The following LEMD2 variants were observed in gnomAD, a reference collection of about 807,000 sequenced individuals.
LEMD2 encodes LEM domain-containing protein 2.
Under a neutral mutation model 58.8 loss-of-function variants are expected in LEMD2, and 34 were observed. That is an observed-to-expected ratio of 0.58 (90% confidence interval 0.44 to 0.77). The LOEUF (loss-of-function observed/expected upper bound fraction) is 0.77. Among genes scored for constraint, LEMD2 ranks in the 30% least tolerant of loss-of-function variants. The pLI is 0.00. For synonymous variants in LEMD2, 298 were observed against 308.9 expected (o/e 0.96, Z 0.37); for missense variants, 629 against 717.9 (o/e 0.88, Z 1.42).
At position 33,772,090 on chromosome 6, in the gene LEMD2, G is replaced by A. The variant is rs571446106; in HGVS notation, c.*538C>T. The stretch of plus-strand genomic sequence containing the variant: ...GTGTTTCTAGACGGTCCCCCCTACA[G>A]TCACTTGTTCTAATTTCTAGCACCT... On this transcript the variant is annotated 3_prime_UTR_variant, in exon 9 of 9. Transcript: ENST00000293760. 6.5e-6 allele frequency: 1 copy of A among 153,890 alleles called. No individual in the cohort carries two copies. Among genetic ancestry groups the A allele is most frequent in the East Asian group, 1.9e-4 (1 of 5,196 alleles). 9.5% of individuals were successfully genotyped at this position (153,890 alleles called of 1,614,324 possible).
chr6:33,784,748 G>A (rs754192505), intron 2 of LEMD2: 9 of 246,914 alleles, frequency 3.6e-5, no homozygotes, highest in Non-Finnish European at 5.7e-5. Flanking sequence ...GAGCAGAGGC[G>A]ACGTGGTCGG....
At chr6:33,786,334 C>T (rs751036916) in intron 2 of LEMD2, among the ~76,000 whole-genome samples, 10 of 152,150 alleles carry the variant, frequency 6.6e-5, no homozygotes, top group South Asian at 4.1e-4. Flanking sequence ...ACAGCTGCAC[C>T]ACTGGAGACA....
chr6:33,785,793 AAAC>A (rs1299493704), intron 2 of LEMD2, among the ~76,000 whole-genome samples: 1 of 152,220 alleles, frequency 6.6e-6, no homozygotes, highest in Admixed American at 6.5e-5. Flanking sequence ...TGTTTTTACA[AAAC>A]AATTGGGAAG....
At position 33,778,208 on chromosome 6, in the gene LEMD2, C is replaced by T. The variant is rs370237174; in HGVS notation, c.1156+34G>A. The T allele has an allele frequency of 2.3e-5, 35 of 1,549,776 alleles. No individual in the cohort carries two copies. The East Asian group carries it at 2.3e-4, about 10-fold the overall frequency. ...TCATGCCTAGGAGTATGCTTGACTG[C>T]ACAGAAGGGGAGGGAAGGCGGCCGA... is the stretch of plus-strand genomic sequence containing the variant. On this transcript the variant is annotated intron_variant, in intron 6 of 8. Coordinates refer to ENST00000293760, the MANE Select transcript of LEMD2 (RefSeq NM_181336.4). The surrounding 1 kb of genome is among the most constrained non-coding windows in gnomAD (Gnocchi z 4.7).
chr6:33,784,477 G>GGGGGGGGGGGGGCCCCCCCCCCCC, intron 2 of LEMD2, 50 bp from the exon 3 acceptor site: 1 of 430,810 alleles, frequency 2.3e-6, no homozygotes, highest in Non-Finnish European at 4.8e-6. Context: ...GGTGGGAGGG[G>GGGGGGGGGGGGGCCCCCCCCCCCC]TCCGTCTGTC....
Position 33,777,014 on chromosome 6 carries a change from T to A in LEMD2, c.1301A>T (p.Glu434Val). ...CAGGATGCCTACATATGGATAGCGC[T>A]CCATGTCCTGCTCCCAGTCCACGTA... is the stretch of plus-strand genomic sequence containing the variant. ...DHYVDWEQDM[E>V]RYPYVGILHV... Residue 434 changes from glutamate to valine, a missense_variant, in exon 8 of 9, where the codon GAG becomes GTG. By Grantham distance (121) the Glu-to-Val change is moderately radical. Transcript: ENST00000293760. 6.2e-7 allele frequency: 1 copy of A among 1,614,166 alleles called. No homozygotes were observed. The highest frequency in any genetic ancestry group is 8.5e-7 in the Non-Finnish European group (1 of 1,180,020).
intron 8 of LEMD2, 63 bp from the exon 9 acceptor site, chr6:33,772,841 C>A: frequency 1.4e-6 from 2 of 1,467,872 alleles, no homozygotes; most frequent in East Asian, 2.3e-5. Context: ...GTGGATGCCC[C>A]TCCTACAAAG....
Position 33,788,493 on chromosome 6 carries a change from G to C in LEMD2, c.624C>G (p.Arg208=), listed in dbSNP as rs1183477608. The C allele has an allele frequency of 6.5e-7, 1 of 1,546,928 alleles. No individual in the cohort carries two copies. The highest frequency in any genetic ancestry group is 1.9e-5 in the Admixed American group (1 of 51,718). Residue 208 remains arginine (R), a synonymous_variant, in exon 1 of 9, where the codon CGC becomes CGG. Transcript: ENST00000293760. ...ARPEVGRRLE[R]WLSRLLLWAS... ...CCCAGAGCAGAAGCCGAGAGAGCCA[G>C]CGCTCCAGCCGGCGCCCCACCTCAG...
At chr6:33,780,053 A>G (rs1356259042) in intron 5 of LEMD2, 47 bp downstream of exon 5, 15 of 1,466,032 alleles carry the variant, frequency 1.0e-5, no homozygotes, top group Non-Finnish European at 1.4e-5. Context: ...GAGCGAGGAC[A>G]GTGGTTGCAG....
At chr6:33,784,478 T>G (rs967811995) in intron 2 of LEMD2, 51 bp from the exon 3 acceptor site, 6 of 428,592 alleles carry the variant, frequency 1.4e-5, no homozygotes, top group African/African-American at 4.2e-5. Context: ...GTGGGAGGGG[T>G]CCGTCTGTCC....
Position 33,773,598 on chromosome 6 carries a change from G to GGGA in LEMD2, c.1362-821_1362-820insTCC, listed in dbSNP as rs34441544. Among the ~76,000 whole-genome samples the GGGA allele has an allele frequency of 5.9e-4, 86 of 145,566 alleles. 1 individual carries two copies. The highest frequency in any genetic ancestry group is 3.9e-3 in the Admixed American group (56 of 14,278). ...GGTGGCCAGTGAGTCAGGAGGCGGGGGGGGGGCTAGGGCTTCCCCAGGGGT... is the reference window on the plus strand; with the variant it reads ...GGTGGCCAGTGAGTCAGGAGGCGGGGGGAGGGGGGCTAGGGCTTCCCCAGGGGT... On this transcript the variant is annotated intron_variant, in intron 8 of 8. Coordinates refer to ENST00000293760, the MANE Select transcript of LEMD2 (RefSeq NM_181336.4).
intron 8 of LEMD2, among the ~76,000 whole-genome samples, chr6:33,775,766 C>T (rs2127378552): frequency 6.6e-6 from 1 of 152,312 alleles, no homozygotes; most frequent in South Asian, 2.1e-4. Context: ...TGCCTCAGTT[C>T]CCTTATAGGT....
At chr6:33,777,391 CAA>C in intron 6 of LEMD2, 152 bp from the exon 7 acceptor site, 3 of 679,170 alleles carry the variant, frequency 4.4e-6, no homozygotes, top group Non-Finnish European at 8.1e-6. Flanking sequence ...ATGCGAGAAA[CAA>C]AAGATACAGA....
chr6:33,786,942 G>A (rs912025358), intron 1 of LEMD2, 168 bp from the exon 2 acceptor site: 25 of 1,415,666 alleles, frequency 1.8e-5, no homozygotes, highest in Non-Finnish European at 2.2e-5. Context: ...ACAGCAAAAT[G>A]TAAGGGTATC....
chr6:33,772,736 C>G lies in LEMD2; in HGVS notation c.1404G>C (p.Leu468=). 1 of 1,613,976 alleles carries G rather than the reference C, an allele frequency of 6.2e-7. No homozygotes were observed. Among genetic ancestry groups the G allele is most frequent in the Non-Finnish European group, 8.5e-7 (1 of 1,179,998 alleles). Residue 468 remains leucine (L), a synonymous_variant, in exon 9 of 9, where the codon CTG becomes CTC. Coordinates refer to ENST00000293760, the MANE Select transcript of LEMD2 (RefSeq NM_181336.4). ...TCTGGATCCGGGATTCGTTGGAGGC[C>G]AGGAACTCCACAGCTCGGTCCCAGA... is the stretch of plus-strand genomic sequence containing the variant. The part of the protein sequence containing the change: ...KRVWDRAVEF[L]ASNESRIQTE...
At chr6:33,774,447 T>TTTTA (rs1767384150) in intron 8 of LEMD2, among the ~76,000 whole-genome samples, 1 of 134,810 alleles carries the variant, frequency 7.4e-6, no homozygotes, top group African/African-American at 2.7e-5. Flanking sequence ...TTTTTTTTTT[T>TTTTA]GAGACAGGGT....
At chr6:33,773,653 G>A (rs1372151229) in intron 8 of LEMD2, among the ~76,000 whole-genome samples, 1 of 152,106 alleles carries the variant, frequency 6.6e-6, no homozygotes, top group East Asian at 1.9e-4. Flanking sequence ...AACCCCATGG[G>A]CCTATTCAGC....
chr6:33,778,639 T>C lies in LEMD2; in HGVS notation c.1011-252A>G, dbSNP rs987652705. On this transcript the variant is annotated intron_variant, in intron 5 of 8. Transcript: ENST00000293760. The surrounding 1 kb of genome is among the most constrained non-coding windows in gnomAD (Gnocchi z 4.7). ...AAAGCAACGTCCCCCTGTCAGGTCTTTGACAGCCTCTCTCAGCATGCAGGA... is the reference window on the plus strand; with the variant it reads ...AAAGCAACGTCCCCCTGTCAGGTCTCTGACAGCCTCTCTCAGCATGCAGGA... The C allele has an allele frequency of 7.1e-5, 25 of 353,892 alleles. No homozygotes were observed. The Admixed American group carries it at 9.3e-4, about 13-fold the overall frequency. The allele number at this position is 353,892 out of a possible 1,614,324, so 21.9% of individuals were successfully genotyped here.
chr6:33,777,805 CCT>C (rs968244374), intron 6 of LEMD2, among the ~76,000 whole-genome samples: 2 of 152,186 alleles, frequency 1.3e-5, no homozygotes, highest in Non-Finnish European at 2.9e-5. Flanking sequence ...AGTGCAGCAC[CCT>C]GAGTCCTTCT....
Sources: gnomAD v4.1 joint callset for allele counts (sites outside exome capture counted in the v4.1 genomes callset) on GRCh38, gnomAD v4.1.1 for gene constraint, Gnocchi (gnomAD v3.1) non-coding constraint, MANE v1.5 for transcripts, NCBI Gene and HGNC (gene_info 2026-07-23, HGNC 2026-07-21) for gene names.